KCNQ2: variants seen among roughly 807,000 people sequenced by gnomAD.
KCNQ2 encodes potassium voltage-gated channel subfamily KQT member 2.
A neutral mutation model predicts 84.8 loss-of-function variants in KCNQ2; 14 were observed. The ratio of observed to expected loss-of-function variants is 0.17; its 90% CI spans 0.11 to 0.26. The LOEUF is 0.26. Among genes scored for constraint, KCNQ2 ranks in the 10% least tolerant of loss-of-function variants. KCNQ2 has a pLI of 1.00. For synonymous variants in KCNQ2, 599 were observed against 554.1 expected, an observed-to-expected ratio of 1.08 and a Z score of -1.14; for missense variants, 788 against 1,254.0, an observed-to-expected ratio of 0.63 and a Z score of 5.61.
chr20:63,428,454 A>G lies in KCNQ2; in HGVS notation c.1149-19T>C. The G allele has an allele frequency of 6.3e-7, 1 of 1,576,924 alleles. No individual in the cohort carries two copies. The highest frequency in any genetic ancestry group is 8.6e-7 in the Non-Finnish European group (1 of 1,160,026). On this transcript the variant is annotated intron_variant, in intron 9 of 16. Coordinates refer to ENST00000359125, the MANE Select transcript of KCNQ2 (RefSeq NM_172107.4). ...GATAAGTCTGGGGCAAGAGAAGGAGAGGGGAGTGAGCGTCTCACCCTCCCG... is the reference window on the plus strand; with the variant it reads ...GATAAGTCTGGGGCAAGAGAAGGAGGGGGGAGTGAGCGTCTCACCCTCCCG...
At chr20:63,440,749 G>A (rs1220423300) in intron 5 of KCNQ2, among the ~76,000 whole-genome samples, 4 of 152,148 alleles carry the variant, frequency 2.6e-5, no homozygotes, top group Admixed American at 6.5e-5. Context: ...GCTCCACACC[G>A]ACAGGAAGCT....
rs116507220 is a variant in KCNQ2 at position 63,465,844 on chromosome 20, G to A, written c.296+6324C>T. ...CTCCAGCCCTGCAAAGGGCATCCGCGTTCCGGGCACCGCCGTTTCCGCTCG... is the reference window on the plus strand; with the variant it reads ...CTCCAGCCCTGCAAAGGGCATCCGCATTCCGGGCACCGCCGTTTCCGCTCG... On this transcript the variant is annotated intron_variant, in intron 1 of 16. Transcript: ENST00000359125. Among the ~76,000 whole-genome samples the A allele has an allele frequency of 8.8e-3, 1,337 of 152,310 alleles. 72 individuals are homozygous for A. The South Asian group carries it at 0.16, about 18-fold the overall frequency.
At chr20:63,453,457 G>A (rs967348004) in intron 1 of KCNQ2, among the ~76,000 whole-genome samples, 1 of 152,264 alleles carries the variant, frequency 6.6e-6, no homozygotes, top group Non-Finnish European at 1.5e-5. Flanking sequence ...GGAAAAATGC[G>A]CAGACATCTC....
intron 11 of KCNQ2, among the ~76,000 whole-genome samples, chr20:63,421,731 G>A (rs914575936): frequency 2.0e-5 from 3 of 152,170 alleles, no homozygotes; most frequent in Non-Finnish European, 2.9e-5. Context: ...CCGGTGTTGG[G>A]GGCTCCTCCT....
In KCNQ2 at chr20:63,406,702, C is replaced by A. The variant is rs1238249590; in HGVS notation, c.2561G>T (p.Arg854Leu). ...DLCTPCGPPP[R>L]SATGEGPFGD... is the part of the protein sequence containing the mutation. The stretch of plus-strand genomic sequence containing the variant: ...AAAGGGACCCTCGCCGGTGGCCGAG[C>A]GTGGCGGGGGCCCGCACGGGGTACA... The change falls in exon 17 of 17, where the codon CGC becomes CTC. Residue 854 changes from arginine (R) to leucine (L), a missense_variant. Physicochemically the swap from Arg to Leu is moderately radical, Grantham distance 102. Coordinates refer to ENST00000359125, the MANE Select transcript of KCNQ2 (RefSeq NM_172107.4). 2 of 1,607,254 alleles carry A rather than the reference C, an allele frequency of 1.2e-6. No homozygotes were observed. The highest frequency in any genetic ancestry group is 8.5e-7 in the Non-Finnish European group (1 of 1,177,924).
intron 1 of KCNQ2, among the ~76,000 whole-genome samples, chr20:63,462,095 A>T (rs551920303): frequency 8.0e-6 from 1 of 124,918 alleles, no homozygotes; most frequent in South Asian, 2.8e-4. Flanking sequence ...AGCAGGGAAG[A>T]GGCTGCACCC....
rs112159089 is a variant in KCNQ2 at position 63,438,395 on chromosome 20, G to A, written c.1023+230C>T. 21 of 605,900 alleles carry A rather than the reference G, an allele frequency of 3.5e-5. No homozygotes were observed. Among genetic ancestry groups the A allele is most frequent in the African/African-American group, 2.9e-4 (16 of 54,640 alleles). 37.5% of individuals were successfully genotyped at this position (605,900 alleles called of 1,614,324 possible). ...GGCCCCAGCACCCACACAAGGCAAG[G>A]GCCACCCCAGCGTCCTCACACGAGC... On this transcript the variant is annotated intron_variant, in intron 7 of 16. Transcript: ENST00000359125. This position sits in a 1 kb window ranked among gnomAD's most constrained non-coding sequence, Gnocchi z 5.1.
Position 63,414,197 on chromosome 20 carries a change from G to C in KCNQ2, c.1526-4C>G. On this transcript the variant is annotated splice_polypyrimidine_tract_variant and splice_region_variant and intron_variant, in intron 13 of 16. Coordinates refer to ENST00000359125, the MANE Select transcript of KCNQ2 (RefSeq NM_172107.4). This position sits in a 1 kb window ranked among gnomAD's most constrained non-coding sequence, Gnocchi z 6.6. ...TCCTCTCCGGGGAGGCTTGCTTCTG[G>C]GGGGAAGGAGACAGGCCGTGAGGGG... The C allele has an allele frequency of 6.2e-7, 1 of 1,610,626 alleles. No homozygotes were observed. Among genetic ancestry groups the C allele is most frequent in the Non-Finnish European group, 8.5e-7 (1 of 1,177,434 alleles).
Position 63,438,715 on chromosome 20 carries a change from G to A in KCNQ2, c.933C>T (p.Ile311=). The A allele has an allele frequency of 6.2e-7, 1 of 1,613,338 alleles. No homozygotes were observed. The highest frequency in any genetic ancestry group is 8.5e-7 in the Non-Finnish European group (1 of 1,179,888). The change falls in exon 7 of 17, where the codon ATC becomes ATT. Residue 311 remains isoleucine (I), a synonymous_variant. Coordinates refer to ENST00000359125, the MANE Select transcript of KCNQ2 (RefSeq NM_172107.4). This position sits in a 1 kb window ranked among gnomAD's most constrained non-coding sequence, Gnocchi z 5.1. ...CCTTCAGGGCAAACCCAGACCCCAA[G>A]ATGCCCTGCAATTCATCAGGGTCAG... ...GVSFFALPAG[I]LGSGFALKVQ...
rs1254123708 is a variant in KCNQ2, at chr20:63,445,750, G to A, written c.388-386C>T. Among the ~76,000 whole-genome samples, 27 of 148,410 alleles carry A rather than the reference G, an allele frequency of 1.8e-4. 4 individuals carry two copies. The highest frequency in any genetic ancestry group is 4.4e-4 in the South Asian group (2 of 4,590). ...GGCCCTGTCTGAGCTGGGAGGCCCT[G>A]TCTGAGCTGGGGGACCCTGTCTGAG... On this transcript the variant is annotated intron_variant, in intron 2 of 16. Coordinates refer to ENST00000359125, the MANE Select transcript of KCNQ2 (RefSeq NM_172107.4).
In KCNQ2 at chr20:63,405,776, G is replaced by C. The variant is rs1233581671; in HGVS notation, c.*868C>G. 4 of 152,398 alleles carry C rather than the reference G, an allele frequency of 2.6e-5. No individual in the cohort carries two copies. Among genetic ancestry groups the C allele is most frequent in the Non-Finnish European group, 5.9e-5 (4 of 68,182 alleles). 9.4% of individuals were successfully genotyped at this position (152,398 alleles called of 1,614,324 possible). Reference sequence around the variant, plus strand: ...CTGCCCCCCCGGTCTCCAAGGCTGGGGTGCTGCTGGCTCTCACGCACCCAC... The same window carrying C: ...CTGCCCCCCCGGTCTCCAAGGCTGGCGTGCTGCTGGCTCTCACGCACCCAC... On this transcript the variant is annotated 3_prime_UTR_variant, in exon 17 of 17. Transcript: ENST00000359125.
At chr20:63,469,603 C>T (rs4809568) in intron 1 of KCNQ2, among the ~76,000 whole-genome samples, 13,851 of 152,308 alleles carry the variant, frequency 0.091, 1,064 homozygotes, top group East Asian at 0.45. Flanking sequence ...TTGACCTCTC[C>T]GAAGCCAGAC....
intron 1 of KCNQ2, among the ~76,000 whole-genome samples, chr20:63,467,303 T>C (rs957354471): frequency 2.6e-5 from 4 of 152,200 alleles, no homozygotes; most frequent in Non-Finnish European, 5.9e-5. Context: ...GAACCCACTC[T>C]GTGTAGCAGA....
Position 63,407,331 on chromosome 20 carries a change from G to A in KCNQ2, c.1932C>T (p.Tyr644=). ...EKKLDFLVNI[Y]MQRMGIPPTE... is the part of the protein sequence containing the mutation. ...TCGGGGGGATGCCCATCCGCTGCAT[G>A]TAGATATTCACCAGGAAGTCCAGCT... The change falls in exon 17 of 17, where the codon TAC becomes TAT. Residue 644 remains tyrosine (Y), a synonymous_variant. Coordinates refer to ENST00000359125, the MANE Select transcript of KCNQ2 (RefSeq NM_172107.4). The surrounding 1 kb of genome is among the most constrained non-coding windows in gnomAD (Gnocchi z 7.2). The A allele has an allele frequency of 6.3e-7, 1 of 1,597,618 alleles. No homozygotes were observed. The highest frequency in any genetic ancestry group is 8.5e-7 in the Non-Finnish European group (1 of 1,179,268).
chr20:63,461,901 A>G (rs1203422596), intron 1 of KCNQ2, among the ~76,000 whole-genome samples: 1 of 122,524 alleles, frequency 8.2e-6, no homozygotes, highest in South Asian at 3.1e-4. Context: ...CACCTACCCC[A>G]GGGAGCAGGG....
intron 1 of KCNQ2, among the ~76,000 whole-genome samples, chr20:63,464,112 C>T (rs1384144740): frequency 6.6e-6 from 1 of 152,140 alleles, no homozygotes; most frequent in Non-Finnish European, 1.5e-5. Context: ...AATGTCAGTT[C>T]CAGAGCACGT....
intron 11 of KCNQ2, 149 bp from the exon 12 acceptor site, chr20:63,419,821 G>A (rs1337650459): frequency 1.4e-5 from 10 of 711,832 alleles, no homozygotes; most frequent in Non-Finnish European, 2.3e-5. Flanking sequence ...CGAGGAAGGT[G>A]CACCATCGTC....
intron 12 of KCNQ2, among the ~76,000 whole-genome samples, chr20:63,417,781 G>A (rs1440470061): frequency 6.6e-6 from 1 of 152,188 alleles, no homozygotes; most frequent in Non-Finnish European, 1.5e-5. Flanking sequence ...TTTTTCAGGG[G>A]GGACCCCCCG....
At position 63,400,662 on chromosome 20, in the gene KCNQ2, C is replaced by T; in HGVS notation, c.*5982G>A. ...GGCGCAAATGGGGAAGCTGCAGCCA[C>T]CGTCACGGCCAGAGGATGGCAGACT... On this transcript the variant is annotated 3_prime_UTR_variant, in exon 17 of 17. Transcript: ENST00000359125. This position sits in a 1 kb window ranked among gnomAD's most constrained non-coding sequence, Gnocchi z 8.7. The T allele has an allele frequency of 5.0e-6, 2 of 398,692 alleles. No individual in the cohort carries two copies. Among genetic ancestry groups the T allele is most frequent in the Non-Finnish European group, 4.4e-6 (1 of 226,080 alleles). 24.7% of individuals were successfully genotyped at this position (398,692 alleles called of 1,614,324 possible). A position where few individuals can be genotyped will look rare whatever the true frequency, so the allele number is the denominator to read the frequency against.
Sources: allele counts gnomAD v4.1 joint callset (sites outside exome capture counted in the v4.1 genomes callset), GRCh38; gene constraint gnomAD v4.1.1; non-coding constraint Gnocchi (gnomAD v3.1); transcripts MANE v1.5; gene names NCBI Gene and HGNC (gene_info 2026-07-23, HGNC 2026-07-21).